TMTC1: variants seen among roughly 807,000 people sequenced by gnomAD.
The protein encoded by TMTC1 is protein O-mannosyl-transferase TMTC1.
TMTC1 carries 73 observed loss-of-function variants against 104.8 expected under a neutral mutation model. The observed-to-expected ratio is 0.70, with a 90% CI of 0.58 to 0.85. TMTC1 has a LOEUF of 0.85. Among genes scored for constraint, TMTC1 ranks in the 40% least tolerant of loss-of-function variants. The pLI is 0.00. For missense variants in TMTC1, 1,035 were observed against 1,096.1 expected, an observed-to-expected ratio of 0.94 and a Z score of 0.79; for synonymous variants, 434 against 428.7, an observed-to-expected ratio of 1.01 and a Z score of -0.15.
intron 5 of TMTC1, among the ~76,000 whole-genome samples, chr12:29,729,100 C>G (rs1440370406): frequency 2.0e-5 from 3 of 151,550 alleles, no homozygotes; most frequent in Non-Finnish European, 4.4e-5. Context: ...CAAATCTCGA[C>G]CCCTTTACTT....
chr12:29,637,490 C>A (rs1384312470), intron 5 of TMTC1, among the ~76,000 whole-genome samples: 1 of 152,102 alleles, frequency 6.6e-6, no homozygotes, highest in Non-Finnish European at 1.5e-5. Flanking sequence ...AGGAATTCAG[C>A]TTAAACAATT....
At chr12:29,664,647 A>C (rs545942104) in intron 5 of TMTC1, among the ~76,000 whole-genome samples, 2 of 152,376 alleles carry the variant, frequency 1.3e-5, no homozygotes, top group African/African-American at 4.8e-5. Flanking sequence ...GTAGTAACTT[A>C]TTCACCACTT....
intron 2 of TMTC1, among the ~76,000 whole-genome samples, chr12:29,763,191 C>A (rs758062181): frequency 1.3e-5 from 2 of 152,182 alleles, no homozygotes; most frequent in Non-Finnish European, 2.9e-5. Flanking sequence ...ACTGTGCCAG[C>A]TGGATGTGCC....
intron 14 of TMTC1, among the ~76,000 whole-genome samples, chr12:29,516,753 G>T (rs1310344236): frequency 1.3e-5 from 2 of 152,144 alleles, no homozygotes; most frequent in Admixed American, 6.5e-5. Context: ...AAAAAAGGTT[G>T]ACCAAATAAG....
intron 5 of TMTC1, among the ~76,000 whole-genome samples, chr12:29,748,330 G>A (rs973051983): frequency 1.8e-4 from 27 of 152,174 alleles, no homozygotes; most frequent in African/African-American, 6.0e-4. Context: ...AAGTCAAGAG[G>A]TGTCTCATTT....
At chr12:29,697,123 T>A (rs778638475) in intron 5 of TMTC1, among the ~76,000 whole-genome samples, 13 of 152,216 alleles carry the variant, frequency 8.5e-5, no homozygotes, top group Non-Finnish European at 1.8e-4. Flanking sequence ...GTTCTCAATA[T>A]GTATTCGTCA....
intron 1 of TMTC1, chr12:29,782,785 T>G (rs1039839034): frequency 6.6e-6 from 1 of 152,258 alleles, no homozygotes; most frequent in Non-Finnish European, 1.5e-5. Context: ...CCAGGGTCCC[T>G]GGAGAAGCCT....
At chr12:29,730,004 C>G (rs958716920) in intron 5 of TMTC1, among the ~76,000 whole-genome samples, 3 of 152,116 alleles carry the variant, frequency 2.0e-5, no homozygotes, top group Non-Finnish European at 4.4e-5. Flanking sequence ...CAGCAAGAGC[C>G]TGCTGATTAC....
At chr12:29,515,060 T>G (rs1943946218) in intron 15 of TMTC1, among the ~76,000 whole-genome samples, 1 of 152,158 alleles carries the variant, frequency 6.6e-6, no homozygotes, top group Non-Finnish European at 1.5e-5. Flanking sequence ...TCACTGGGAA[T>G]TAGTGGCCCT....
intron 5 of TMTC1, among the ~76,000 whole-genome samples, chr12:29,723,291 A>G (rs1342735194): frequency 6.6e-6 from 1 of 152,230 alleles, no homozygotes; most frequent in Non-Finnish European, 1.5e-5. Context: ...AATTTTAATA[A>G]AACAGCAAAG....
chr12:29,575,808 G>T (rs1370381915), intron 8 of TMTC1, among the ~76,000 whole-genome samples: 1 of 152,100 alleles, frequency 6.6e-6, no homozygotes, highest in Non-Finnish European at 1.5e-5. Context: ...TTAATTTCTT[G>T]AGGACCCTCC....
At chr12:29,774,692 C>A (rs985596559) in intron 1 of TMTC1, among the ~76,000 whole-genome samples, 4 of 152,216 alleles carry the variant, frequency 2.6e-5, no homozygotes, top group Non-Finnish European at 1.5e-5. Context: ...CAATAAATAA[C>A]AACATCTGGT....
intron 11 of TMTC1, chr12:29,535,880 C>A: frequency 7.8e-6 from 2 of 256,216 alleles, no homozygotes; most frequent in Non-Finnish European, 1.5e-5. Context: ...GATCTTAGAC[C>A]ACTTGCAATT....
intron 10 of TMTC1, among the ~76,000 whole-genome samples, chr12:29,553,917 T>C (rs1261624795): frequency 3.3e-5 from 5 of 152,224 alleles, no homozygotes; most frequent in African/African-American, 9.6e-5. Context: ...CACCATATTA[T>C]GATCATAACT....
At chr12:29,628,420 C>T (rs1938118703) in intron 6 of TMTC1, among the ~76,000 whole-genome samples, 2 of 152,252 alleles carry the variant, frequency 1.3e-5, no homozygotes, top group African/African-American at 4.8e-5. Flanking sequence ...GGCTTCCAGC[C>T]ATCTGAATGG....
Position 29,583,507 on chromosome 12 carries a change from C to A in TMTC1, c.1318G>T (p.Ala440Ser). The A allele has an allele frequency of 6.2e-7, 1 of 1,613,864 alleles. No individual in the cohort carries two copies. The highest frequency in any genetic ancestry group is 1.3e-5 in the African/African-American group (1 of 75,026). The part of the protein sequence containing the change: ...KLCTWLNRCG[A>S]TTLIVSTVLL... ...ACAGTGGACACAATCAGGGTGGTGG[C>A]CCCACATCGATTCAGCCAAGTGCAG... Residue 440 changes from alanine to serine, a missense_variant, in exon 8 of 18, where the codon GCC (alanine) becomes TCC (serine). By Grantham distance (99) the Ala-to-Ser change is moderately conservative (BLOSUM62 1). Coordinates refer to ENST00000539277, the MANE Select transcript of TMTC1 (RefSeq NM_001193451.2).
intron 6 of TMTC1, among the ~76,000 whole-genome samples, chr12:29,615,985 T>C (rs1474564236): frequency 6.6e-6 from 1 of 152,104 alleles, no homozygotes; most frequent in African/African-American, 2.4e-5. Flanking sequence ...TGCAAGAACA[T>C]TTATCCACAA....
Position 29,622,536 on chromosome 12 carries a change from G to A in TMTC1, c.1128+10611C>T, listed in dbSNP as rs141312524. On this transcript the variant is annotated intron_variant, in intron 6 of 17. Coordinates refer to ENST00000539277, the MANE Select transcript of TMTC1 (RefSeq NM_001193451.2). ...GAAAAACTCAAGTGCATTTTCAGCCGTGGTTCTCCTGGGGCATACACACTC... is the reference window on the plus strand; with the variant it reads ...GAAAAACTCAAGTGCATTTTCAGCCATGGTTCTCCTGGGGCATACACACTC... Among the ~76,000 whole-genome samples, 166 of 152,280 alleles carry A rather than the reference G, an allele frequency of 1.1e-3. 1 individual carries two copies. In the East Asian group the frequency reaches 0.015, roughly 14 times the overall value.
chr12:29,629,190 G>A (rs1341251404), intron 6 of TMTC1, among the ~76,000 whole-genome samples: 3 of 151,902 alleles, frequency 2.0e-5, no homozygotes, highest in African/African-American at 4.8e-5. Context: ...GCGTGGTGGC[G>A]GGCGCCTGTA....
Sources: allele counts gnomAD v4.1 joint callset (sites outside exome capture counted in the v4.1 genomes callset), GRCh38; gene constraint gnomAD v4.1.1; transcripts MANE v1.5; gene names NCBI Gene and HGNC (gene_info 2026-07-23, HGNC 2026-07-21).